Variants in RHOT1 observed in about 807,000 individuals in gnomAD.
RHOT1 encodes the protein ras homolog family member T1, also known as mitochondrial Rho GTPase 1.
Under a neutral mutation model 95.3 loss-of-function variants are expected in RHOT1, and 27 were observed. The ratio of observed to expected loss-of-function variants is 0.28; its 90% CI spans 0.21 to 0.39. The LOEUF is 0.39. RHOT1 is among the 10% of genes least tolerant of loss of function. The pLI is 1.00. For synonymous variants in RHOT1, 227 were observed against 263.5 expected, an observed-to-expected ratio of 0.86 and a Z score of 1.34; for missense variants, 578 against 786.7, an observed-to-expected ratio of 0.73 and a Z score of 3.17.
chr17:32,150,722 C>T, intron 1 of RHOT1: 1 of 1,603,980 alleles, frequency 6.2e-7, no homozygotes, highest in Non-Finnish European at 8.5e-7. Context: ...GAGTACAAAG[C>T]AGGAACTGAG....
At chr17:32,165,506 G>A (rs566540236) in intron 1 of RHOT1, among the ~76,000 whole-genome samples, 3 of 150,700 alleles carry the variant, frequency 2.0e-5, no homozygotes, top group Admixed American at 6.6e-5. Context: ...CTGAGTGATC[G>A]AGAGAGACCC....
chr17:32,189,531 C>A (rs1463306098), intron 8 of RHOT1, among the ~76,000 whole-genome samples: 1 of 152,012 alleles, frequency 6.6e-6, no homozygotes, highest in Middle Eastern at 3.2e-3. Flanking sequence ...ATTAGTTCTG[C>A]TAATCTGTTA....
chr17:32,175,529 T>G (rs1018481268), intron 4 of RHOT1, among the ~76,000 whole-genome samples, 167 bp downstream of exon 4: 1 of 152,210 alleles, frequency 6.6e-6, no homozygotes, highest in Non-Finnish European at 1.5e-5. Context: ...CAATTTTGCC[T>G]TATCGCAACC....
At chr17:32,209,640 C>T (rs2037990739) in intron 18 of RHOT1, 22 of 447,188 alleles carry the variant, frequency 4.9e-5, no homozygotes, top group Middle Eastern at 6.2e-4. Flanking sequence ...CTTGTGATTA[C>T]AGTAACTGCA....
chr17:32,171,286 T>TG (rs2034555214), intron 2 of RHOT1, among the ~76,000 whole-genome samples, 185 bp downstream of exon 2: 1 of 152,178 alleles, frequency 6.6e-6, no homozygotes, highest in Non-Finnish European at 1.5e-5. Flanking sequence ...AGTGGTGCCA[T>TG]CATAGCCCAC....
chr17:32,200,476 G>C (rs1021034721), intron 13 of RHOT1, among the ~76,000 whole-genome samples: 1 of 151,978 alleles, frequency 6.6e-6, no homozygotes, highest in Non-Finnish European at 1.5e-5. Flanking sequence ...TGGCAGTGTA[G>C]GGCCAGGCAG....
chr17:32,144,794 C>G (rs2142331628), intron 1 of RHOT1, among the ~76,000 whole-genome samples: 1 of 149,072 alleles, frequency 6.7e-6, no homozygotes, highest in African/African-American at 2.5e-5. Flanking sequence ...TGAGACCAGC[C>G]TGGGCAACAT....
At chr17:32,175,385 G>A in intron 4 of RHOT1, 23 bp downstream of exon 4, 1 of 1,596,720 alleles carries the variant, frequency 6.3e-7, no homozygotes, top group Non-Finnish European at 8.6e-7. Flanking sequence ...AAACAGAGGT[G>A]TGGGGTTTTG....
chr17:32,211,141 A>G lies in RHOT1; in HGVS notation c.1765A>G (p.Thr589Ala). ...CCATGCCCGGTTACGCTGTATGTGCACCTGCAACAGGTGTACATTTTGCAT... is the reference window on the plus strand; with the variant it reads ...CCATGCCCGGTTACGCTGTATGTGCGCCTGCAACAGGTGTACATTTTGCAT... The part of the protein sequence containing the change: ...YPHARLRCMC[T>A]CNRCTFCICQ... The change falls in exon 19 of 20, where the codon ACC becomes GCC. Residue 589 changes from threonine (T) to alanine (A), a missense_variant. Around this residue, in one of 4 missense-constraint regions of RHOT1, gnomAD observed 296 missense variants for 338.5 expected, o/e 0.87. Coordinates refer to ENST00000545287, the MANE Select transcript of RHOT1 (RefSeq NM_001033566.3). The G allele has an allele frequency of 6.2e-7, 1 of 1,610,738 alleles. No individual in the cohort carries two copies. The highest frequency in any genetic ancestry group is 8.5e-7 in the Non-Finnish European group (1 of 1,177,604).
intron 1 of RHOT1, among the ~76,000 whole-genome samples, chr17:32,148,989 G>T (rs532981840): frequency 6.6e-6 from 1 of 152,190 alleles, no homozygotes; most frequent in Non-Finnish European, 1.5e-5. Flanking sequence ...TAGAAGCATG[G>T]AGTCTCAGAA....
At chr17:32,223,560 A>AC (rs1284154678) in intron 19 of RHOT1, among the ~76,000 whole-genome samples, 1 of 151,532 alleles carries the variant, frequency 6.6e-6, no homozygotes, top group Non-Finnish European at 1.5e-5. Flanking sequence ...GATTACAGGC[A>AC]CCCACCACCA....
chr17:32,206,939 A>C lies in RHOT1; in HGVS notation c.1446A>C (p.Leu482=), dbSNP rs1245866017. 6.2e-7 allele frequency: 1 copy of C among 1,602,866 alleles called. No homozygotes were observed. Among genetic ancestry groups the C allele is most frequent in the African/African-American group, 1.3e-5 (1 of 74,488 alleles). ...LLHDISESEF[L]TEAEIICDVV... is the part of the protein sequence containing the mutation. ...ATGATATCTCAGAATCGGAATTTCT[A>C]ACTGAAGCTGAAATCATTTGTGATG... Residue 482 remains leucine, a synonymous_variant, in exon 17 of 20, where the codon CTA becomes CTC. Coordinates refer to ENST00000545287, the MANE Select transcript of RHOT1 (RefSeq NM_001033566.3).
Position 32,146,887 on chromosome 17 carries a change from T to G in RHOT1, c.37+4158T>G, listed in dbSNP as rs186262830. On this transcript the variant is annotated intron_variant, in intron 1 of 19. Coordinates refer to ENST00000545287, the MANE Select transcript of RHOT1 (RefSeq NM_001033566.3). ...ACAGGCATGCACCACCATGTCTGGCTAATTTTTGTAAATTTTTTTTTTTTT... is the reference window on the plus strand; with the variant it reads ...ACAGGCATGCACCACCATGTCTGGCGAATTTTTGTAAATTTTTTTTTTTTT... Among the ~76,000 whole-genome samples, 1,142 of 149,058 alleles carry G rather than the reference T, an allele frequency of 7.7e-3. 20 individuals carry two copies. The highest frequency in any genetic ancestry group is 0.027 in the African/African-American group (1,078 of 40,260).
chr17:32,206,192 C>CTTTTT lies in RHOT1; in HGVS notation c.1417-692_1417-688dup, dbSNP rs71144812. The stretch of plus-strand genomic sequence containing the variant: ...TCACTAATACTAGCTTCCATAGAAT[C>CTTTTT]TTTTTTTTTTTTTTTTTTTTTTTTT... On this transcript the variant is annotated intron_variant, in intron 16 of 19. Coordinates refer to ENST00000545287, the MANE Select transcript of RHOT1 (RefSeq NM_001033566.3). Among the ~76,000 whole-genome samples, 60 of 60,532 alleles carry CTTTTT rather than the reference C, an allele frequency of 9.9e-4. 4 individuals carry two copies. The highest frequency in any genetic ancestry group is 2.7e-3 in the African/African-American group (35 of 13,002). The allele number at this position is 60,532 out of a possible 152,430, so 39.7% of individuals were successfully genotyped here.
intron 1 of RHOT1, among the ~76,000 whole-genome samples, chr17:32,157,891 A>T (rs1159883186): frequency 6.6e-6 from 1 of 151,984 alleles, no homozygotes. Flanking sequence ...CTAGAGACCA[A>T]GTTATAGATT....
chr17:32,196,442 T>C (rs188772413), intron 11 of RHOT1, among the ~76,000 whole-genome samples: 2 of 152,248 alleles, frequency 1.3e-5, no homozygotes, highest in East Asian at 1.9e-4. Flanking sequence ...TCCTCCCGCG[T>C]TGACCTCCTA....
chr17:32,176,708 G>T (rs1344107449), intron 6 of RHOT1, among the ~76,000 whole-genome samples: 2 of 151,928 alleles, frequency 1.3e-5, no homozygotes, highest in Non-Finnish European at 2.9e-5. Flanking sequence ...GAGTAACTGG[G>T]ACTGCAGGCA....
At chr17:32,144,405 G>A (rs1479674304) in intron 1 of RHOT1, among the ~76,000 whole-genome samples, 1 of 152,070 alleles carries the variant, frequency 6.6e-6, no homozygotes, top group African/African-American at 2.4e-5. Flanking sequence ...AAAATTAGCC[G>A]GGTGTGGTGG....
chr17:32,151,247 C>A, intron 1 of RHOT1: 1 of 714,106 alleles, frequency 1.4e-6, no homozygotes, highest in Non-Finnish European at 2.6e-6. Flanking sequence ...ATACTGTTGG[C>A]GGGTGAATGA....
Sources: allele counts gnomAD v4.1 joint callset (sites outside exome capture counted in the v4.1 genomes callset), GRCh38; gene constraint gnomAD v4.1.1; regional missense constraint gnomAD v4.1.1; transcripts MANE v1.5; gene names NCBI Gene and HGNC (gene_info 2026-07-23, HGNC 2026-07-21).